Variants in ARFGEF3 observed in about 807,000 individuals in gnomAD.
The protein encoded by ARFGEF3 is brefeldin A-inhibited guanine nucleotide-exchange protein 3.
Under a neutral mutation model 221.7 loss-of-function variants are expected in ARFGEF3, and 96 were observed. That is an observed-to-expected ratio of 0.43 (90% CI 0.37 to 0.51). The LOEUF is 0.51. Among genes scored for constraint, ARFGEF3 ranks in the 20% least tolerant of loss-of-function variants. The pLI is 0.00. For synonymous variants in ARFGEF3, 1,145 were observed against 1,126.8 expected, an observed-to-expected ratio of 1.02 and a Z score of -0.32; for missense variants, 2,410 against 2,789.9, an observed-to-expected ratio of 0.86 and a Z score of 3.07.
intron 15 of ARFGEF3, 48 bp downstream of exon 15, chr6:138,286,101 T>C: frequency 2.9e-6 from 3 of 1,027,260 alleles, no homozygotes; most frequent in Admixed American, 1.8e-5. Context: ...ACTGCATGTG[T>C]TACCAGCAAT....
At chr6:138,296,770 G>A (rs376498561) in intron 20 of ARFGEF3, 40 bp from the exon 21 acceptor site, 12 of 1,603,888 alleles carry the variant, frequency 7.5e-6, no homozygotes, top group South Asian at 1.1e-5. Context: ...CTATGTCTGA[G>A]TTTTGGCTTT....
intron 8 of ARFGEF3, among the ~76,000 whole-genome samples, chr6:138,251,282 C>T (rs1178960293): frequency 2.0e-5 from 3 of 152,080 alleles, no homozygotes; most frequent in African/African-American, 4.8e-5. Flanking sequence ...TAGTTGTTTT[C>T]GTTTTGTGAT....
chr6:138,237,930 T>G (rs1386520031), intron 5 of ARFGEF3, among the ~76,000 whole-genome samples: 3 of 152,230 alleles, frequency 2.0e-5, no homozygotes, highest in Admixed American at 2.0e-4. Context: ...ACCAGGTATT[T>G]ATAGTTGATT....
intron 18 of ARFGEF3, among the ~76,000 whole-genome samples, chr6:138,290,390 T>A (rs1383682226): frequency 6.6e-6 from 1 of 152,164 alleles, no homozygotes; most frequent in Admixed American, 6.5e-5. Flanking sequence ...TTTGCATACA[T>A]AAAATACAAG....
At chr6:138,333,570 T>C (rs1780262930) in intron 32 of ARFGEF3, among the ~76,000 whole-genome samples, 1 of 152,084 alleles carries the variant, frequency 6.6e-6, no homozygotes, top group African/African-American at 2.4e-5. Flanking sequence ...GCCTCCCTAG[T>C]AAGCTGGGAC....
intron 4 of ARFGEF3, among the ~76,000 whole-genome samples, chr6:138,220,258 C>T (rs1224745362): frequency 6.6e-6 from 1 of 152,168 alleles, no homozygotes; most frequent in Non-Finnish European, 1.5e-5. Flanking sequence ...CTGCCTTGGC[C>T]TCCCGAAGTG....
At position 138,337,428 on chromosome 6, in the gene ARFGEF3, A is replaced by AACATT. The variant is rs1780348406; in HGVS notation, c.*944_*948dup. 1 of 152,682 alleles carries AACATT rather than the reference A, an allele frequency of 6.5e-6. No homozygotes were observed. Among genetic ancestry groups the AACATT allele is most frequent in the African/African-American group, 2.4e-5 (1 of 41,474 alleles). The allele number at this position is 152,682 out of a possible 1,614,324, so 9.5% of individuals were successfully genotyped here. On this transcript the variant is annotated 3_prime_UTR_variant, in exon 34 of 34. Coordinates refer to ENST00000251691, the MANE Select transcript of ARFGEF3 (RefSeq NM_020340.5). The stretch of plus-strand genomic sequence containing the variant: ...TAGCATTTGGTTTTTAAGAAAACAA[A>AACATT]ACATTAAGACGCAACTCATTTTATA...
Position 138,311,387 on chromosome 6 carries a change from G to A in ARFGEF3, c.4097-20G>A. On this transcript the variant is annotated intron_variant, in intron 24 of 33. Coordinates refer to ENST00000251691, the MANE Select transcript of ARFGEF3 (RefSeq NM_020340.5). ...CGCAAGGGTAACACTGTTGGTCTCT[G>A]TCTCCCGTGCCGCCCCTAGGGGAGG... is the stretch of plus-strand genomic sequence containing the variant. 6.5e-7 allele frequency: 1 copy of A among 1,544,444 alleles called. No homozygotes were observed. Among genetic ancestry groups the A allele is most frequent in the Non-Finnish European group, 8.8e-7 (1 of 1,130,554 alleles).
At chr6:138,211,849 C>T (rs752505754) in intron 4 of ARFGEF3, among the ~76,000 whole-genome samples, 8 of 152,092 alleles carry the variant, frequency 5.3e-5, no homozygotes, top group East Asian at 1.9e-4. Context: ...CTAGCCTTGC[C>T]GAAGATAGGA....
At chr6:138,292,753 G>C (rs1419193297) in intron 19 of ARFGEF3, among the ~76,000 whole-genome samples, 2 of 152,208 alleles carry the variant, frequency 1.3e-5, no homozygotes. Context: ...TTCCTGTCCT[G>C]ACTTTGCACT....
At position 138,255,034 on chromosome 6, in the gene ARFGEF3, T is replaced by G. The variant is rs185967117; in HGVS notation, c.771-402T>G. 7.8e-4 allele frequency among the ~76,000 whole-genome samples: 119 copies of G among 152,320 alleles called. 2 individuals carry two copies. The highest frequency in any genetic ancestry group is 2.7e-3 in the African/African-American group (113 of 41,572). On this transcript the variant is annotated intron_variant, in intron 9 of 33. Coordinates refer to ENST00000251691, the MANE Select transcript of ARFGEF3 (RefSeq NM_020340.5). ...CAGGCCCCACAGGCAGCCAGCTGGT[T>G]GTTCTGGGTCCCTGGGCTTATCGAC...
At chr6:138,295,417 C>T (rs1020639526) in intron 20 of ARFGEF3, among the ~76,000 whole-genome samples, 9 of 150,844 alleles carry the variant, frequency 6.0e-5, no homozygotes, top group African/African-American at 2.0e-4. Flanking sequence ...GTCAGGAGTT[C>T]GAGACAAGCC....
Position 138,334,609 on chromosome 6 carries a change from C to T in ARFGEF3, c.5763C>T (p.Asp1921=). The part of the protein sequence containing the change: ...LCNNYIQMHL[D]LENCMEEPPI... ...ACAACTACATCCAGATGCACTTGGA[C>T]CTGGAGAACTGTATGGAGGAGCCTC... is the stretch of plus-strand genomic sequence containing the variant. The change falls in exon 33 of 34, where the codon GAC becomes GAT. Residue 1921 remains aspartate (D), a synonymous_variant. Transcript: ENST00000251691. The surrounding 1 kb of genome is among the most constrained non-coding windows in gnomAD (Gnocchi z 5.1). 1 of 1,613,666 alleles carries T rather than the reference C, an allele frequency of 6.2e-7. No individual in the cohort carries two copies. The highest frequency in any genetic ancestry group is 8.5e-7 in the Non-Finnish European group (1 of 1,179,880).
intron 1 of ARFGEF3, among the ~76,000 whole-genome samples, chr6:138,163,784 T>A (rs1776666452): frequency 1.3e-5 from 2 of 152,134 alleles, no homozygotes; most frequent in Admixed American, 6.5e-5. Flanking sequence ...TCCCAGTGAT[T>A]GTTCTGTCAT....
chr6:138,188,335 T>G (rs1777231639), intron 2 of ARFGEF3, among the ~76,000 whole-genome samples: 2 of 152,200 alleles, frequency 1.3e-5, no homozygotes, highest in Non-Finnish European at 2.9e-5. Flanking sequence ...GGATCTGTCC[T>G]GTCCTCCACA....
chr6:138,243,022 G>GT, intron 7 of ARFGEF3, 28 bp downstream of exon 7: 1 of 1,594,468 alleles, frequency 6.3e-7, no homozygotes, highest in Non-Finnish European at 8.6e-7. Context: ...TACTAGTTCA[G>GT]TTTTTAAAGC....
In ARFGEF3 at chr6:138,289,944, C is replaced by T. The variant is rs1779369402; in HGVS notation, c.3023C>T (p.Pro1008Leu). ...SVGLEMGSHN[P>L]DCWPHVFRVC... ...GGCCTGGAGATGGGAAGCCACAACC[C>T]GGACTGCTGGCCACACGTGTTCAGG... The change falls in exon 18 of 34, where the codon CCG becomes CTG. Residue 1008 changes from proline to leucine, a missense_variant. Physicochemically the swap from Pro to Leu is moderately conservative, Grantham distance 98. This residue lies in a region of ARFGEF3 where 594 missense variants were observed against 734.3 expected (regional missense o/e 0.81). Coordinates refer to ENST00000251691, the MANE Select transcript of ARFGEF3 (RefSeq NM_020340.5). The T allele has an allele frequency of 5.6e-6, 9 of 1,613,278 alleles. No homozygotes were observed. The highest frequency in any genetic ancestry group is 1.7e-4 in the Middle Eastern group (1 of 6,010).
intron 2 of ARFGEF3, among the ~76,000 whole-genome samples, chr6:138,192,503 A>AAACAAAC (rs1562348107): frequency 2.6e-5 from 4 of 151,944 alleles, no homozygotes; most frequent in East Asian, 3.9e-4. Context: ...AAAACTAACC[A>AAACAAAC]AACAAACTCA....
intron 29 of ARFGEF3, among the ~76,000 whole-genome samples, chr6:138,322,087 T>C (rs1327859701): frequency 3.3e-5 from 5 of 152,034 alleles, no homozygotes; most frequent in African/African-American, 9.7e-5. Flanking sequence ...TTTGAATTGG[T>C]GGAGATAGCA....
Sources: gnomAD v4.1 joint callset for allele counts (sites outside exome capture counted in the v4.1 genomes callset) on GRCh38, gnomAD v4.1.1 for gene constraint, gnomAD v4.1.1 regional missense constraint, Gnocchi (gnomAD v3.1) non-coding constraint, MANE v1.5 for transcripts, NCBI Gene and HGNC (gene_info 2026-07-23, HGNC 2026-07-21) for gene names.